The following FER variants were observed in gnomAD, a reference collection of about 807,000 sequenced individuals.
FER encodes the protein tyrosine-protein kinase Fer.
In FER, 63 loss-of-function variants were observed where a neutral mutation model predicts 111.0. That is an observed-to-expected ratio of 0.57 (90% CI 0.46 to 0.70). The LOEUF (loss-of-function observed/expected upper bound fraction) is 0.70, where lower values mean the gene tolerates loss of function less well. FER is among the 30% of genes least tolerant of loss of function. FER has a pLI of 0.00. For synonymous variants in FER, 327 were observed against 313.9 expected, an observed-to-expected ratio of 1.04 and a Z score of -0.44; for missense variants, 914 against 954.0, an observed-to-expected ratio of 0.96 and a Z score of 0.55.
intron 17 of FER, among the ~76,000 whole-genome samples, chr5:109,154,797 A>C (rs1755194429): frequency 6.6e-6 from 1 of 151,926 alleles, no homozygotes; most frequent in African/African-American, 2.4e-5. Context: ...GGACCTTCAA[A>C]ACTGAAATTT....
At chr5:109,085,207 A>T (rs1167794643) in intron 16 of FER, among the ~76,000 whole-genome samples, 1 of 151,838 alleles carries the variant, frequency 6.6e-6, no homozygotes, top group East Asian at 1.9e-4. Context: ...GACTTGATAC[A>T]TTGTTCCATT....
rs377016005 is a variant in FER at position 108,976,468 on chromosome 5, C to T, written c.1656+17121C>T. Among the ~76,000 whole-genome samples the T allele has an allele frequency of 2.8e-3, 427 of 152,120 alleles. 1 individual carries two copies. Among genetic ancestry groups the T allele is most frequent in the South Asian group, 0.013 (65 of 4,818 alleles). ...AATTTAGCCCCTTCTTCCTTTGTTC[C>T]CTTTCCTTTAGCCACCCTGTTAGAA... On this transcript the variant is annotated intron_variant, in intron 13 of 19. Transcript: ENST00000281092.
chr5:108,805,545 C>G (rs890933705), intron 3 of FER, among the ~76,000 whole-genome samples: 1 of 152,122 alleles, frequency 6.6e-6, no homozygotes, highest in African/African-American at 2.4e-5. Context: ...TTTGGAACTT[C>G]CTAGAGACTT....
At chr5:109,008,599 CTTTCATGTATCA>C (rs1765797593) in intron 13 of FER, among the ~76,000 whole-genome samples, 1 of 152,098 alleles carries the variant, frequency 6.6e-6, no homozygotes, top group Non-Finnish European at 1.5e-5. Flanking sequence ...TTCCCTAGGC[CTTTCATGTATCA>C]TTTTCTCTGC....
intron 17 of FER, among the ~76,000 whole-genome samples, chr5:109,117,281 T>C (rs1234493538): frequency 2.0e-5 from 3 of 152,138 alleles, no homozygotes; most frequent in Non-Finnish European, 2.9e-5. Flanking sequence ...TTGTATAAGA[T>C]TCTGTGGGTC....
chr5:108,856,475 T>C (rs565514708), intron 5 of FER, among the ~76,000 whole-genome samples: 14 of 152,208 alleles, frequency 9.2e-5, no homozygotes, highest in Non-Finnish European at 1.6e-4. Context: ...ACCTTTCGTA[T>C]CATAGTACAT....
intron 4 of FER, 85 bp from the exon 5 acceptor site, chr5:108,835,623 A>C: frequency 1.3e-6 from 1 of 782,396 alleles, no homozygotes; most frequent in South Asian, 1.7e-5. Context: ...TGAAATACAC[A>C]TCAGTTAATA....
intron 17 of FER, among the ~76,000 whole-genome samples, chr5:109,179,631 T>C (rs1414507012): frequency 1.3e-5 from 2 of 152,174 alleles, no homozygotes; most frequent in Non-Finnish European, 2.9e-5. Flanking sequence ...TTTTTTAAAA[T>C]GGATAGTTGT....
intron 17 of FER, among the ~76,000 whole-genome samples, chr5:109,173,765 C>CG (rs946109491): frequency 2.0e-5 from 3 of 148,010 alleles, no homozygotes; most frequent in African/African-American, 7.4e-5. Context: ...CTCCCCCCCC[C>CG]CCACAAGTAA....
intron 16 of FER, among the ~76,000 whole-genome samples, chr5:109,086,739 T>C (rs1777606667): frequency 6.6e-6 from 1 of 151,618 alleles, no homozygotes; most frequent in Admixed American, 6.6e-5. Flanking sequence ...TAATTTTTCT[T>C]GTGGTTTCTT....
chr5:109,055,319 A>G (rs1202619365), intron 16 of FER, among the ~76,000 whole-genome samples: 1 of 152,210 alleles, frequency 6.6e-6, no homozygotes, highest in East Asian at 1.9e-4. Flanking sequence ...AAATAGGACT[A>G]TATCAAACTG....
intron 10 of FER, among the ~76,000 whole-genome samples, chr5:108,937,704 A>G (rs1399179830): frequency 1.3e-5 from 2 of 151,760 alleles, no homozygotes; most frequent in African/African-American, 2.4e-5. Flanking sequence ...ATAGAGTGGA[A>G]TTGTGTTGAG....
At chr5:109,032,249 A>C (rs1019197876) in intron 13 of FER, among the ~76,000 whole-genome samples, 1 of 152,144 alleles carries the variant, frequency 6.6e-6, no homozygotes, top group Admixed American at 6.6e-5. Flanking sequence ...GAAGAGAGCT[A>C]ATGTTGGTGG....
chr5:108,795,940 G>A (rs571598357), intron 2 of FER, among the ~76,000 whole-genome samples: 1 of 152,286 alleles, frequency 6.6e-6, no homozygotes, highest in East Asian at 1.9e-4. Flanking sequence ...GTTCGACAGA[G>A]TCTGTACATT....
At chr5:108,993,465 A>T (rs6895661) in intron 13 of FER, among the ~76,000 whole-genome samples, 98,292 of 151,544 alleles carry the variant, frequency 0.65, 34,308 homozygotes, top group African/African-American at 0.9. Context: ...GGCAGGGAGG[A>T]TGCAGTGAGC....
At chr5:108,753,092 T>C (rs1210297640) in intron 1 of FER, among the ~76,000 whole-genome samples, 3 of 152,118 alleles carry the variant, frequency 2.0e-5, no homozygotes, top group East Asian at 1.9e-4. Context: ...GCTTGTTACA[T>C]AGAAGAAATG....
At chr5:108,984,450 T>C (rs1274200160) in intron 13 of FER, among the ~76,000 whole-genome samples, 1 of 152,162 alleles carries the variant, frequency 6.6e-6, no homozygotes, top group Non-Finnish European at 1.5e-5. Flanking sequence ...GTATAAGATT[T>C]GTTTGAAGGA....
chr5:109,058,808 C>T (rs1204930477), intron 16 of FER, among the ~76,000 whole-genome samples: 6 of 140,498 alleles, frequency 4.3e-5, no homozygotes, highest in Non-Finnish European at 9.1e-5. Flanking sequence ...TCTCAGCTCA[C>T]TGCAACCTCC....
At chr5:109,008,592 C>G (rs941310765) in intron 13 of FER, among the ~76,000 whole-genome samples, 1 of 152,082 alleles carries the variant, frequency 6.6e-6, no homozygotes, top group East Asian at 1.9e-4. Flanking sequence ...TCTCACCTTC[C>G]CTAGGCCTTT....
Sources: gnomAD v4.1 joint callset for allele counts (sites outside exome capture counted in the v4.1 genomes callset) on GRCh38, gnomAD v4.1.1 for gene constraint, MANE v1.5 for transcripts, NCBI Gene and HGNC (gene_info 2026-07-23, HGNC 2026-07-21) for gene names.